EYS: variants seen among roughly 807,000 people sequenced by gnomAD.
EYS encodes protein eyes shut homolog.
In EYS, 250 loss-of-function variants were observed where a neutral mutation model predicts 282.1. The observed-to-expected ratio is 0.89, with a 90% confidence interval of 0.80 to 0.98. EYS has a LOEUF of 0.98. Ranked by LOEUF, EYS falls within the 50% of genes least tolerant of loss-of-function variation. The probability of loss-of-function intolerance (pLI) is 0.00; values close to 1 mark genes in which losing one functional copy is unlikely to be tolerated. For synonymous variants in EYS, 1,355 were observed against 1,282.9 expected (o/e 1.06, Z -1.20); for missense variants, 4,016 against 3,709.0 (o/e 1.08, Z -2.15).
At chr6:64,293,960 CA>C (rs1363406308) in intron 30 of EYS, among the ~76,000 whole-genome samples, 1 of 152,038 alleles carries the variant, frequency 6.6e-6, no homozygotes, top group African/African-American at 2.4e-5. Context: ...ATATTTTAGG[CA>C]TAAGACATAA....
chr6:65,272,922 G>T (rs180835683), intron 12 of EYS, among the ~76,000 whole-genome samples: 184 of 152,238 alleles, frequency 1.2e-3, no homozygotes, highest in Non-Finnish European at 2.2e-3. Context: ...GCATGTGTGC[G>T]ATCAAGTTTA....
At chr6:65,206,269 T>G (rs184462669) in intron 12 of EYS, among the ~76,000 whole-genome samples, 5 of 151,682 alleles carry the variant, frequency 3.3e-5, no homozygotes, top group African/African-American at 1.2e-4. Flanking sequence ...CAGCTGTATG[T>G]GCACAAACTA....
chr6:63,818,655 C>T (rs1000605621), intron 36 of EYS, among the ~76,000 whole-genome samples: 1 of 152,174 alleles, frequency 6.6e-6, no homozygotes, highest in African/African-American at 2.4e-5. Flanking sequence ...TAGTCATTTC[C>T]CTGGACTCTC....
intron 36 of EYS, among the ~76,000 whole-genome samples, chr6:63,863,797 T>C (rs893943464): frequency 6.6e-6 from 1 of 151,278 alleles, no homozygotes; most frequent in Admixed American, 6.6e-5. Context: ...AGCCTCAGCC[T>C]CCTGAGTAGC....
chr6:65,224,539 A>G (rs921152236), intron 12 of EYS, among the ~76,000 whole-genome samples: 1 of 152,148 alleles, frequency 6.6e-6, no homozygotes, highest in African/African-American at 2.4e-5. Context: ...AACTGAAAGG[A>G]AGAAAATAAT....
At chr6:63,860,700 C>A (rs1186863563) in intron 36 of EYS, among the ~76,000 whole-genome samples, 1 of 152,160 alleles carries the variant, frequency 6.6e-6, no homozygotes, top group Non-Finnish European at 1.5e-5. Flanking sequence ...GACCTGAATG[C>A]AATTCTTATC....
intron 13 of EYS, among the ~76,000 whole-genome samples, chr6:65,029,536 G>GCCTGCTTCT (rs1772532355): frequency 6.6e-6 from 1 of 151,956 alleles, no homozygotes; most frequent in Non-Finnish European, 1.5e-5. Context: ...CATGGAGTGT[G>GCCTGCTTCT]CCTGCCTCTC....
At chr6:64,936,852 C>T (rs968283398) in intron 15 of EYS, among the ~76,000 whole-genome samples, 1 of 151,154 alleles carries the variant, frequency 6.6e-6, no homozygotes, top group Non-Finnish European at 1.5e-5. Context: ...TATGGAAGTA[C>T]AAGGATCCCA....
intron 5 of EYS, among the ~76,000 whole-genome samples, chr6:65,472,133 A>G (rs1488178190): frequency 6.6e-6 from 1 of 152,132 alleles, no homozygotes; most frequent in Non-Finnish European, 1.5e-5. Context: ...ATACACTGCA[A>G]TATGTATTTG....
chr6:64,121,553 C>A (rs905618733), intron 31 of EYS, among the ~76,000 whole-genome samples: 5 of 152,098 alleles, frequency 3.3e-5, no homozygotes, highest in African/African-American at 7.2e-5. Flanking sequence ...AATTAAATTA[C>A]CCTTAATATA....
At chr6:65,160,283 G>A (rs944368756) in intron 12 of EYS, among the ~76,000 whole-genome samples, 7 of 150,664 alleles carry the variant, frequency 4.6e-5, no homozygotes. Flanking sequence ...CCAGATTACT[G>A]GTATAGGAAA....
intron 35 of EYS, among the ~76,000 whole-genome samples, chr6:63,916,691 A>G (rs1364121522): frequency 6.6e-6 from 1 of 152,076 alleles, no homozygotes; most frequent in South Asian, 2.1e-4. Flanking sequence ...CATTTTCTTG[A>G]TGGCATCCTT....
intron 11 of EYS, among the ~76,000 whole-genome samples, chr6:65,299,681 C>T (rs1263667317): frequency 6.6e-6 from 1 of 152,030 alleles, no homozygotes; most frequent in Non-Finnish European, 1.5e-5. Flanking sequence ...TCAAATATTA[C>T]AGTGCGTTTC....
chr6:64,681,818 G>C (rs1463172281), intron 22 of EYS, among the ~76,000 whole-genome samples: 1 of 152,138 alleles, frequency 6.6e-6, no homozygotes, highest in Non-Finnish European at 1.5e-5. Flanking sequence ...TACGTGCTAC[G>C]GGAAGAGTAC....
At chr6:63,879,466 A>G (rs924823366) in intron 35 of EYS, among the ~76,000 whole-genome samples, 5 of 152,208 alleles carry the variant, frequency 3.3e-5, no homozygotes, top group Non-Finnish European at 5.9e-5. Flanking sequence ...TAGAGCAGCT[A>G]CTTACATATC....
chr6:64,199,506 C>G (rs1291953675), intron 31 of EYS, among the ~76,000 whole-genome samples: 3 of 152,162 alleles, frequency 2.0e-5, no homozygotes, highest in African/African-American at 7.2e-5. Context: ...CAATTCAGGA[C>G]ATAGGCATGG....
intron 35 of EYS, among the ~76,000 whole-genome samples, chr6:63,887,832 G>T (rs1027171837): frequency 6.6e-6 from 1 of 152,198 alleles, no homozygotes; most frequent in African/African-American, 2.4e-5. Flanking sequence ...TGGAAAGGGG[G>T]CTGAAGCCAG....
At chr6:64,487,041 AT>A (rs1341582547) in intron 26 of EYS, among the ~76,000 whole-genome samples, 2 of 151,394 alleles carry the variant, frequency 1.3e-5, no homozygotes, top group African/African-American at 4.8e-5. Flanking sequence ...CACCATCATT[AT>A]AGTACAGGTA....
At chr6:64,454,207 T>A (rs1465988059) in intron 26 of EYS, among the ~76,000 whole-genome samples, 1 of 152,138 alleles carries the variant, frequency 6.6e-6, no homozygotes, top group Middle Eastern at 3.2e-3. Flanking sequence ...TGTACCTGAA[T>A]CTGTTTCTGG....
Sources: gnomAD v4.1 joint callset for allele counts (sites outside exome capture counted in the v4.1 genomes callset) on GRCh38, gnomAD v4.1.1 for gene constraint, MANE v1.5 for transcripts, NCBI Gene and HGNC (gene_info 2026-07-23, HGNC 2026-07-21) for gene names.